The following ADAMTS19 variants were observed in gnomAD, a reference collection of about 807,000 sequenced individuals.
ADAMTS19 encodes ADAM metallopeptidase with thrombospondin type 1 motif 19.
Under a neutral mutation model 153.3 loss-of-function variants are expected in ADAMTS19, and 93 were observed. The observed-to-expected ratio is 0.61, with a 90% CI of 0.51 to 0.72. The LOEUF is 0.72. Among genes scored for constraint, ADAMTS19 ranks in the 30% least tolerant of loss-of-function variants. The pLI is 0.00. For missense variants in ADAMTS19, 1,482 were observed against 1,552.1 expected (o/e 0.95, Z 0.76); for synonymous variants, 600 against 556.6 (o/e 1.08, Z -1.10).
At chr5:129,595,035 AC>A (rs1353578933) in intron 7 of ADAMTS19, among the ~76,000 whole-genome samples, 2 of 152,140 alleles carry the variant, frequency 1.3e-5, no homozygotes, top group Non-Finnish European at 2.9e-5. Flanking sequence ...TATAAAAAAA[AC>A]TACATCCATA....
At chr5:129,640,671 C>A (rs1303524756) in intron 10 of ADAMTS19, among the ~76,000 whole-genome samples, 1 of 152,042 alleles carries the variant, frequency 6.6e-6, no homozygotes, top group Non-Finnish European at 1.5e-5. Flanking sequence ...TATTCCTACT[C>A]CCTTTGCACC....
chr5:129,637,116 T>C (rs1272658483), intron 10 of ADAMTS19, among the ~76,000 whole-genome samples: 1 of 152,178 alleles, frequency 6.6e-6, no homozygotes, highest in Non-Finnish European at 1.5e-5. Context: ...ATGTGCCTAA[T>C]GTGAAAAGAA....
At chr5:129,611,627 T>C (rs140175925) in intron 8 of ADAMTS19, among the ~76,000 whole-genome samples, 13,046 of 152,210 alleles carry the variant, frequency 0.086, 625 homozygotes, top group Middle Eastern at 0.16. Context: ...CTGAGGGCTC[T>C]GTTCTGTTCC....
chr5:129,705,963 T>A (rs950518117), intron 21 of ADAMTS19, among the ~76,000 whole-genome samples: 2 of 152,252 alleles, frequency 1.3e-5, no homozygotes, highest in South Asian at 2.1e-4. Flanking sequence ...TTTCCTTTTT[T>A]AATTTTATTT....
chr5:129,737,508 C>T lies in ADAMTS19; in HGVS notation c.*290C>T, dbSNP rs535499125. 126 of 178,454 alleles carry T rather than the reference C, an allele frequency of 7.1e-4. No individual in the cohort carries two copies. The highest frequency in any genetic ancestry group is 2.5e-3 in the African/African-American group (104 of 42,322). 11.1% of individuals were successfully genotyped at this position (178,454 alleles called of 1,614,324 possible). A position where few individuals can be genotyped will look rare whatever the true frequency, so the allele number is the denominator to read the frequency against. ...GATCATTATACTTAAAACAAGTTTT[C>T]GTTGTTTGTTAGGGCTATCTCTAAG... is the stretch of plus-strand genomic sequence containing the variant. On this transcript the variant is annotated 3_prime_UTR_variant, in exon 23 of 23. Transcript: ENST00000274487.
At chr5:129,471,055 A>G (rs935692247) in intron 2 of ADAMTS19, among the ~76,000 whole-genome samples, 1 of 105,158 alleles carries the variant, frequency 9.5e-6, no homozygotes, top group African/African-American at 3.8e-5. Flanking sequence ...GTGTGTAGAT[A>G]TCAGGATCAA....
intron 21 of ADAMTS19, among the ~76,000 whole-genome samples, chr5:129,712,353 C>T (rs32818): frequency 0.94 from 142,729 of 152,244 alleles, 66,978 homozygotes; most frequent in East Asian, 0.99. Context: ...AAAAAAGAAA[C>T]ATTTTACATT....
chr5:129,701,961 A>G (rs934777462), intron 20 of ADAMTS19, among the ~76,000 whole-genome samples: 2 of 152,354 alleles, frequency 1.3e-5, no homozygotes, highest in Admixed American at 6.5e-5. Context: ...TAATTATTAT[A>G]TGTGAACAAG....
rs772446129 is a variant in ADAMTS19, at chr5:129,528,389, G to C, written c.1171-131G>C. On this transcript the variant is annotated intron_variant, in intron 5 of 22. Transcript: ENST00000274487. Reference sequence around the variant, plus strand: ...GTAAATTAAACCTGCATGTCTTCCAGGTTCTAATTAATGTTATGGTCAGCA... The same window carrying C: ...GTAAATTAAACCTGCATGTCTTCCACGTTCTAATTAATGTTATGGTCAGCA... 11 of 626,592 alleles carry C rather than the reference G, an allele frequency of 1.8e-5. 1 individual carries two copies. In the South Asian group the frequency reaches 3.4e-4, roughly 19 times the overall value. 38.8% of individuals were successfully genotyped at this position (626,592 alleles called of 1,614,324 possible).
chr5:129,679,705 G>T (rs758619588), intron 16 of ADAMTS19, 59 bp from the exon 17 acceptor site: 8 of 1,353,020 alleles, frequency 5.9e-6, no homozygotes, highest in Non-Finnish European at 8.0e-6. Flanking sequence ...ATTTGTAGTA[G>T]ATGTTGATCA....
intron 2 of ADAMTS19, among the ~76,000 whole-genome samples, chr5:129,479,340 C>G (rs1169898097): frequency 1.3e-5 from 2 of 152,084 alleles, no homozygotes; most frequent in Non-Finnish European, 2.9e-5. Context: ...TGTAATCTAT[C>G]TTCTCTTTCT....
At chr5:129,672,013 G>T (rs575336035) in intron 16 of ADAMTS19, among the ~76,000 whole-genome samples, 1 of 152,232 alleles carries the variant, frequency 6.6e-6, no homozygotes, top group East Asian at 1.9e-4. Flanking sequence ...GGACTTTGTG[G>T]CTTATAAACA....
chr5:129,559,176 G>A (rs1287634929), intron 7 of ADAMTS19, among the ~76,000 whole-genome samples: 1 of 151,850 alleles, frequency 6.6e-6, no homozygotes, highest in Admixed American at 6.6e-5. Flanking sequence ...AGATATTATT[G>A]AAGACATTAC....
chr5:129,684,432 C>T (rs1422686943), intron 18 of ADAMTS19, among the ~76,000 whole-genome samples, 159 bp downstream of exon 18: 1 of 152,006 alleles, frequency 6.6e-6, no homozygotes, highest in Non-Finnish European at 1.5e-5. Flanking sequence ...GGCTAAACAC[C>T]TGAAATACTT....
At chr5:129,543,044 T>C (rs1752711103) in intron 6 of ADAMTS19, among the ~76,000 whole-genome samples, 1 of 145,094 alleles carries the variant, frequency 6.9e-6, no homozygotes, top group Non-Finnish European at 1.5e-5. Context: ...GTTGTTGTTG[T>C]TTTGTTTTTT....
At chr5:129,723,433 G>T (rs1381346332) in intron 21 of ADAMTS19, among the ~76,000 whole-genome samples, 2 of 152,126 alleles carry the variant, frequency 1.3e-5, no homozygotes, top group African/African-American at 4.8e-5. Flanking sequence ...TATTTCATTT[G>T]TAAAGAAGAT....
chr5:129,644,701 G>A (rs1396371465), intron 11 of ADAMTS19, among the ~76,000 whole-genome samples: 1 of 151,880 alleles, frequency 6.6e-6, no homozygotes. Flanking sequence ...TTAAGTAGTG[G>A]GCAAATGATT....
At chr5:129,601,093 G>A (rs1353060556) in intron 8 of ADAMTS19, among the ~76,000 whole-genome samples, 4 of 152,044 alleles carry the variant, frequency 2.6e-5, no homozygotes, top group Non-Finnish European at 5.9e-5. Flanking sequence ...GGCTGGTCTC[G>A]AACTCCTGAC....
chr5:129,673,721 A>G (rs990717308), intron 16 of ADAMTS19, among the ~76,000 whole-genome samples: 3 of 152,158 alleles, frequency 2.0e-5, no homozygotes, highest in African/African-American at 7.2e-5. Context: ...ATTTTCAACT[A>G]AAATTGTGGA....
Sources: allele counts gnomAD v4.1 joint callset (sites outside exome capture counted in the v4.1 genomes callset), GRCh38; gene constraint gnomAD v4.1.1; transcripts MANE v1.5; gene names NCBI Gene and HGNC (gene_info 2026-07-23, HGNC 2026-07-21).